The following SUFU variants were observed in gnomAD, a reference collection of about 807,000 sequenced individuals.
The protein encoded by SUFU is suppressor of fused homolog.
A neutral mutation model predicts 58.9 loss-of-function variants in SUFU; 7 were observed. The observed-to-expected ratio is 0.12, with a 90% CI of 0.07 to 0.22. The LOEUF (loss-of-function observed/expected upper bound fraction) is 0.22. Among genes scored for constraint, SUFU ranks in the 10% least tolerant of loss-of-function variants. SUFU has a pLI of 1.00. For missense variants in SUFU, 451 were observed against 641.3 expected (o/e 0.70, Z 3.20); for synonymous variants, 232 against 254.8 (o/e 0.91, Z 0.85).
At chr10:102,552,754 CTTAA>C (rs2062932466) in intron 3 of SUFU, among the ~76,000 whole-genome samples, 2 of 152,066 alleles carry the variant, frequency 1.3e-5, no homozygotes, top group Non-Finnish European at 2.9e-5. Flanking sequence ...ATGTCTTTAA[CTTAA>C]TTGTCAAATG....
chr10:102,600,666 C>T (rs1210413161), intron 8 of SUFU, among the ~76,000 whole-genome samples: 4 of 151,976 alleles, frequency 2.6e-5, no homozygotes, highest in Non-Finnish European at 5.9e-5. Flanking sequence ...ACCTTGAGGG[C>T]ACCTTAGAAT....
At chr10:102,622,691 C>T (rs1490922148) in intron 10 of SUFU, among the ~76,000 whole-genome samples, 2 of 151,870 alleles carry the variant, frequency 1.3e-5, no homozygotes, top group Non-Finnish European at 2.9e-5. Context: ...CAGTGGCTCA[C>T]GCCTGTAATC....
At position 102,593,675 on chromosome 10, in the gene SUFU, C is replaced by G. The variant is rs907135467; in HGVS notation, c.637C>G (p.Gln213Glu). 8.1e-6 allele frequency: 13 copies of G among 1,614,116 alleles called. No homozygotes were observed. Among genetic ancestry groups the G allele is most frequent in the Non-Finnish European group, 1.0e-5 (12 of 1,180,042 alleles). ...VCTEELHSAQ[Q>E]WNGQGILELL... ...CACTGAAGAGCTACACTCAGCCCAG[C>G]AGTGGAACGGGCAGGGCATCCTGGA... The change falls in exon 5 of 12, where the codon CAG (glutamine) becomes GAG (glutamate). Residue 213 changes from glutamine to glutamate, a missense_variant. Gln to Glu is a conservative substitution (Grantham distance 29). Coordinates refer to ENST00000369902, the MANE Select transcript of SUFU (RefSeq NM_016169.4).
intron 2 of SUFU, among the ~76,000 whole-genome samples, chr10:102,526,644 TAGC>T: frequency 6.6e-6 from 1 of 152,286 alleles, no homozygotes; most frequent in Non-Finnish European, 1.5e-5. Flanking sequence ...AGGATGCTGT[TAGC>T]AGTAATCAGT....
chr10:102,557,908 T>A (rs2062997985), intron 3 of SUFU, among the ~76,000 whole-genome samples: 1 of 151,826 alleles, frequency 6.6e-6, no homozygotes, highest in African/African-American at 2.4e-5. Context: ...TTTACTGATT[T>A]TTTTTTTTTT....
In SUFU at chr10:102,507,474, A is replaced by G. The variant is rs141813711; in HGVS notation, c.183-1695A>G. On this transcript the variant is annotated intron_variant, in intron 1 of 11. Coordinates refer to ENST00000369902, the MANE Select transcript of SUFU (RefSeq NM_016169.4). ...TGCCCCACAAACTTTTCTAAATCCA[A>G]CCTGTTGTAGAATTAGTCAAGTGAT... Among the ~76,000 whole-genome samples, 277 of 152,292 alleles carry G rather than the reference A, an allele frequency of 1.8e-3. 3 individuals carry two copies. The highest frequency in any genetic ancestry group is 6.5e-3 in the African/African-American group (272 of 41,552).
rs2063696727 is a variant in SUFU at position 102,617,296 on chromosome 10, G to A, written c.1164G>A (p.Arg388=). ...TCCATGTTCCCATCTCCAGGGGCAG[G>A]CTCCTGCATGGACGGCACTTTACAT... ...GALIPLCLRG[R]LLHGRHFTYK... Residue 388 remains arginine (R), a synonymous_variant, in exon 10 of 12, where the codon AGG becomes AGA. Coordinates refer to ENST00000369902, the MANE Select transcript of SUFU (RefSeq NM_016169.4). The surrounding 1 kb of genome is among the most constrained non-coding windows in gnomAD (Gnocchi z 4.4). 1 of 1,614,090 alleles carries A rather than the reference G, an allele frequency of 6.2e-7. No individual in the cohort carries two copies. Among genetic ancestry groups the A allele is most frequent in the Admixed American group, 1.7e-5 (1 of 60,004 alleles).
At position 102,607,085 on chromosome 10, in the gene SUFU, G is replaced by A. The variant is rs575706727; in HGVS notation, c.1022+7541G>A. 5.4e-3 allele frequency among the ~76,000 whole-genome samples: 810 copies of A among 148,782 alleles called. 4 individuals carry two copies. Among genetic ancestry groups the A allele is most frequent in the Non-Finnish European group, 8.2e-3 (553 of 67,468 alleles). On this transcript the variant is annotated intron_variant, in intron 8 of 11. Coordinates refer to ENST00000369902, the MANE Select transcript of SUFU (RefSeq NM_016169.4). Reference sequence around the variant, plus strand: ...ATTTTTTTTTTTTTTTTGAGACGGCGTCTGACTCTGTCGCCTTGGCTGGAG... The same window carrying A: ...ATTTTTTTTTTTTTTTTGAGACGGCATCTGACTCTGTCGCCTTGGCTGGAG...
At chr10:102,543,986 C>T (rs1220525830) in intron 2 of SUFU, among the ~76,000 whole-genome samples, 1 of 152,178 alleles carries the variant, frequency 6.6e-6, no homozygotes, top group East Asian at 1.9e-4. Flanking sequence ...GTAATTTCAG[C>T]TACTCGGGAG....
Position 102,563,176 on chromosome 10 carries a change from T to C in SUFU, c.454+13070T>C, listed in dbSNP as rs1049516804. On this transcript the variant is annotated intron_variant, in intron 3 of 11. Transcript: ENST00000369902. The stretch of plus-strand genomic sequence containing the variant: ...AGAGGACTTGGGGAAAAGGAGCTTT[T>C]TCATCAGTTATATTTATTTTATTTA... Among the ~76,000 whole-genome samples, 4 of 152,206 alleles carry C rather than the reference T, an allele frequency of 2.6e-5. No homozygotes were observed. In the East Asian group the frequency reaches 7.7e-4, roughly 29 times the overall value.
intron 3 of SUFU, among the ~76,000 whole-genome samples, chr10:102,588,171 C>T (rs1218739027): frequency 2.6e-5 from 4 of 152,062 alleles, no homozygotes; most frequent in East Asian, 1.9e-4. Context: ...CCGAGGCACG[C>T]GGATCACGAG....
rs34024871 is a variant in SUFU at position 102,585,888 on chromosome 10, C to CT, written c.455-6678dup. 2.5e-3 allele frequency among the ~76,000 whole-genome samples: 338 copies of CT among 135,006 alleles called. 12 individuals are homozygous for CT. Among genetic ancestry groups the CT allele is most frequent in the Middle Eastern group, 0.012 (3 of 260 alleles). The allele number at this position is 135,006 out of a possible 152,430, so 88.6% of individuals were successfully genotyped here. On this transcript the variant is annotated intron_variant, in intron 3 of 11. Coordinates refer to ENST00000369902, the MANE Select transcript of SUFU (RefSeq NM_016169.4). ...ATGTGCTTATTAGCTATTTGTATAT[C>CT]TTTTTTTTTTTTTTTTGACAGAGTC...
intron 9 of SUFU, among the ~76,000 whole-genome samples, chr10:102,615,845 G>C (rs947339470): frequency 1.3e-5 from 2 of 152,186 alleles, no homozygotes; most frequent in African/African-American, 4.8e-5. Flanking sequence ...TGACCAGAGA[G>C]CCCCACTGGT....
chr10:102,559,984 C>T (rs1391758064), intron 3 of SUFU, among the ~76,000 whole-genome samples: 1 of 152,134 alleles, frequency 6.6e-6, no homozygotes, highest in African/African-American at 2.4e-5. Flanking sequence ...TTTCTGAGTG[C>T]TGGGATGGCA....
chr10:102,558,352 A>G (rs1299170129), intron 3 of SUFU, among the ~76,000 whole-genome samples: 1 of 152,200 alleles, frequency 6.6e-6, no homozygotes, highest in Non-Finnish European at 1.5e-5. Flanking sequence ...CTACGACTAC[A>G]GGTGCACACC....
chr10:102,504,131 A>AG lies in SUFU; in HGVS notation c.-21dup. The AG allele has an allele frequency of 6.6e-7, 1 of 1,515,244 alleles. No homozygotes were observed. Among genetic ancestry groups the AG allele is most frequent in the Non-Finnish European group, 8.8e-7 (1 of 1,133,936 alleles). 93.9% of individuals were successfully genotyped at this position (1,515,244 alleles called of 1,614,324 possible). ...GTCGTTTGCCCTCTCCAGTTCCCCC[A>AG]GTGCCTGCCCTACGCACCCCGATGG... On this transcript the variant is annotated 5_prime_UTR_variant, in exon 1 of 12. Transcript: ENST00000369902.
chr10:102,515,460 C>T (rs961602647), intron 2 of SUFU, among the ~76,000 whole-genome samples: 3 of 151,712 alleles, frequency 2.0e-5, no homozygotes, highest in South Asian at 4.2e-4. Context: ...GGACTACAGG[C>T]GCATGCCACC....
At chr10:102,507,744 A>G (rs920348936) in intron 1 of SUFU, among the ~76,000 whole-genome samples, 5 of 152,186 alleles carry the variant, frequency 3.3e-5, no homozygotes, top group Non-Finnish European at 7.3e-5. Context: ...CACTTGTAAC[A>G]TGTCTTTTAT....
intron 10 of SUFU, among the ~76,000 whole-genome samples, chr10:102,622,038 A>G (rs889882895): frequency 2.6e-5 from 4 of 152,142 alleles, no homozygotes; most frequent in African/African-American, 9.7e-5. Context: ...GTCCTCCCTC[A>G]CCACCACCCA....
Sources: allele counts gnomAD v4.1 joint callset (sites outside exome capture counted in the v4.1 genomes callset), GRCh38; gene constraint gnomAD v4.1.1; non-coding constraint Gnocchi (gnomAD v3.1); transcripts MANE v1.5; gene names NCBI Gene and HGNC (gene_info 2026-07-23, HGNC 2026-07-21).